Variants in ZSCAN32 observed in about 807,000 individuals in gnomAD.
The protein encoded by ZSCAN32 is zinc finger and SCAN domain containing 32, also known as zinc finger and SCAN domain-containing protein 32.
Under a neutral mutation model 47.4 loss-of-function variants are expected in ZSCAN32, and 52 were observed. The observed-to-expected ratio is 1.10, with a 90% CI of 0.88 to 1.38. The LOEUF is 1.38. ZSCAN32 is among the 40% of genes most tolerant of loss of function. The pLI, the probability that ZSCAN32 is intolerant of heterozygous loss-of-function variation, is 0.00. For synonymous variants in ZSCAN32, 346 were observed against 305.7 expected, an observed-to-expected ratio of 1.13 and a Z score of -1.38; for missense variants, 959 against 846.0, an observed-to-expected ratio of 1.13 and a Z score of -1.66.
intron 3 of ZSCAN32, among the ~76,000 whole-genome samples, chr16:3,391,625 G>C (rs1227908243): frequency 6.8e-6 from 1 of 147,100 alleles, no homozygotes; most frequent in African/African-American, 2.5e-5. Context: ...GTTGCAGTGA[G>C]CCAACATCAT....
In ZSCAN32 at chr16:3,397,673, C is replaced by T. The variant is rs145008432; in HGVS notation, c.-116G>A. 3.0e-3 allele frequency: 4,127 copies of T among 1,353,188 alleles called. 22 individuals are homozygous for T. Among genetic ancestry groups the T allele is most frequent in the South Asian group, 0.014 (938 of 64,738 alleles). 83.8% of individuals were successfully genotyped at this position (1,353,188 alleles called of 1,614,324 possible). On this transcript the variant is annotated 5_prime_UTR_variant, in exon 2 of 7. Coordinates refer to ENST00000396852, the MANE Select transcript of ZSCAN32 (RefSeq NM_001284527.2). ...CTGCAAGGAATGTCTTTCTGTAATC[C>T]GTGGGACATGAGAGTGTCAGACATG...
Position 3,397,282 on chromosome 16 carries a change from C to T in ZSCAN32, c.276G>A (p.Glu92=), listed in dbSNP as rs27241. Reference sequence around the variant, plus strand: ...GCTGCTCCCTCACCCAGGTCTGGATCTCCTCTGGCAAGATAGTCAGAAACT... The same window carrying T: ...GCTGCTCCCTCACCCAGGTCTGGATTTCCTCTGGCAAGATAGTCAGAAACT... ...LEQFLTILPE[E]IQTWVREQHP... is the part of the protein sequence containing the mutation. Residue 92 remains glutamate (E), a synonymous_variant, in exon 2 of 7, where the codon GAG becomes GAA. Coordinates refer to ENST00000396852, the MANE Select transcript of ZSCAN32 (RefSeq NM_001284527.2). The T allele has an allele frequency of 6.4e-7, 1 of 1,571,288 alleles. No individual in the cohort carries two copies. Among genetic ancestry groups the T allele is most frequent in the Non-Finnish European group, 8.6e-7 (1 of 1,158,170 alleles).
rs79188202 is a variant in ZSCAN32, at chr16:3,392,959, T to C, written c.532+690A>G. Among the ~76,000 whole-genome samples, 1,316 of 150,766 alleles carry C rather than the reference T, an allele frequency of 8.7e-3. 24 individuals are homozygous for C. Among genetic ancestry groups the C allele is most frequent in the African/African-American group, 0.031 (1,265 of 40,948 alleles). On this transcript the variant is annotated intron_variant, in intron 3 of 6. Transcript: ENST00000396852. Reference sequence around the variant, plus strand: ...ATTAAGTTGGATGGGGAAGGGGATTTAATGTCTTCAAGTATATGAAAAACT... The same window carrying C: ...ATTAAGTTGGATGGGGAAGGGGATTCAATGTCTTCAAGTATATGAAAAACT...
intron 6 of ZSCAN32, chr16:3,384,106 C>G (rs1263474277): frequency 4.0e-6 from 2 of 499,230 alleles, no homozygotes; most frequent in African/African-American, 3.9e-5. Flanking sequence ...AAGCAAGGTG[C>G]TAAGTACCCA....
At chr16:3,384,359 T>C (rs772916910) in intron 6 of ZSCAN32, 100 bp downstream of exon 6, 3 of 1,495,518 alleles carry the variant, frequency 2.0e-6, no homozygotes, top group South Asian at 1.3e-5. Context: ...AAGATGATGA[T>C]GATGCCAGGA....
intron 2 of ZSCAN32, among the ~76,000 whole-genome samples, chr16:3,396,567 C>G (rs2033385705): frequency 6.6e-6 from 1 of 152,226 alleles, no homozygotes; most frequent in Non-Finnish European, 1.5e-5. Flanking sequence ...TACCCAATTT[C>G]AGTTGCCTTC....
chr16:3,383,936 TTTCGGATGTTC>T, intron 6 of ZSCAN32: 1 of 543,068 alleles, frequency 1.8e-6, no homozygotes, highest in East Asian at 3.3e-5. Flanking sequence ...TCCTATCTTT[TTTCGGATGTTC>T]TGACACAATG....
Position 3,382,969 on chromosome 16 carries a change from C to A in ZSCAN32, c.1977G>T (p.Lys659Asn). 1 of 1,614,130 alleles carries A rather than the reference C, an allele frequency of 6.2e-7. No homozygotes were observed. The highest frequency in any genetic ancestry group is 8.5e-7 in the Non-Finnish European group (1 of 1,180,004). ...TCTCACAGTGAGAACACCTGTAAGG[C>A]TTTTCACCAGTGTGGGTTTTTCGGT... Reference protein sequence around the residue: ...SAHRKTHTGEKPYRCSHCERG... With the variant: ...SAHRKTHTGENPYRCSHCERG... The change falls in exon 7 of 7, where the codon AAG (lysine) becomes AAT (asparagine). Residue 659 changes from lysine to asparagine, a missense_variant. Transcript: ENST00000396852.
intron 5 of ZSCAN32, among the ~76,000 whole-genome samples, chr16:3,389,395 C>T (rs928670491): frequency 5.3e-5 from 8 of 152,172 alleles, no homozygotes; most frequent in African/African-American, 1.4e-4. Context: ...GAAATCTAGG[C>T]CCAGTGAGCT....
rs775849395 is a variant in ZSCAN32, at chr16:3,390,549, G to A, written c.533-32C>T. On this transcript the variant is annotated intron_variant, in intron 3 of 6. Coordinates refer to ENST00000396852, the MANE Select transcript of ZSCAN32 (RefSeq NM_001284527.2). The stretch of plus-strand genomic sequence containing the variant: ...GAAAAAACAGCCGCTATTAGAGGGC[G>A]GCTTCCACACAACAGCACAGAGCAG... The A allele has an allele frequency of 1.2e-4, 187 of 1,520,054 alleles. 1 individual carries two copies. The highest frequency in any genetic ancestry group is 1.5e-4 in the Non-Finnish European group (169 of 1,121,526). 94.2% of individuals were successfully genotyped at this position (1,520,054 alleles called of 1,614,324 possible).
intron 5 of ZSCAN32, among the ~76,000 whole-genome samples, chr16:3,386,849 A>C (rs27233): frequency 0.27 from 40,430 of 151,512 alleles, 5,532 homozygotes; most frequent in African/African-American, 0.29. Flanking sequence ...TTAAATGACG[A>C]GTTCATGGGT....
chr16:3,388,773 T>C (rs1282648635), intron 5 of ZSCAN32, among the ~76,000 whole-genome samples: 1 of 152,132 alleles, frequency 6.6e-6, no homozygotes, highest in African/African-American at 2.4e-5. Flanking sequence ...ACAGGTACCA[T>C]TACATGAAAT....
chr16:3,387,979 C>A (rs745598538), intron 5 of ZSCAN32, among the ~76,000 whole-genome samples: 1 of 152,194 alleles, frequency 6.6e-6, no homozygotes, highest in South Asian at 2.1e-4. Context: ...ACAAGGCTCC[C>A]CCATTTCACT....
At chr16:3,393,216 A>ATAAATATATACATATT (rs1567319551) in intron 3 of ZSCAN32, among the ~76,000 whole-genome samples, 1 of 25,656 alleles carries the variant, frequency 3.9e-5, no homozygotes, top group African/African-American at 3.4e-4. Context: ...ATTTATATAT[A>ATAAATATATACATATT]TATATATATA....
Position 3,389,179 on chromosome 16 carries a change from A to G in ZSCAN32, c.751+831T>C, listed in dbSNP as rs2032365223. Among the ~76,000 whole-genome samples, 4 of 152,222 alleles carry G rather than the reference A, an allele frequency of 2.6e-5. No individual in the cohort carries two copies. The South Asian group carries it at 8.3e-4, about 31-fold the overall frequency. ...GCCTGAAGCAGCAGCAAGAAATGGC[A>G]CATGATGAAGCCAGGAAACTGGGAG... On this transcript the variant is annotated intron_variant, in intron 5 of 6. Coordinates refer to ENST00000396852, the MANE Select transcript of ZSCAN32 (RefSeq NM_001284527.2).
At position 3,383,049 on chromosome 16, in the gene ZSCAN32, A is replaced by G. The variant is rs768483391; in HGVS notation, c.1897T>C (p.Tyr633His). 6.2e-7 allele frequency: 1 copy of G among 1,614,164 alleles called. No homozygotes were observed. Among genetic ancestry groups the G allele is most frequent in the South Asian group, 1.1e-5 (1 of 91,086 alleles). ...ATTTTCCCACACACTGCACACTTGTATGGGCTCTCCCCAGTGTGGATGCGC... is the reference window on the plus strand; with the variant it reads ...ATTTTCCCACACACTGCACACTTGTGTGGGCTCTCCCCAGTGTGGATGCGC... ...HRRIHTGESP[Y>H]KCAVCGKIFN... Residue 633 changes from tyrosine to histidine, a missense_variant, in exon 7 of 7, where the codon TAC (tyrosine) becomes CAC (histidine). Tyr to His is a moderately conservative substitution (Grantham distance 83). Coordinates refer to ENST00000396852, the MANE Select transcript of ZSCAN32 (RefSeq NM_001284527.2).
rs545014137 is a variant in ZSCAN32 at position 3,384,260 on chromosome 16, G to T, written c.1234+199C>A. The T allele has an allele frequency of 4.4e-6, 3 of 674,716 alleles. No individual in the cohort carries two copies. The African/African-American group carries it at 5.4e-5, about 12-fold the overall frequency. The allele number at this position is 674,716 out of a possible 1,614,324, so 41.8% of individuals were successfully genotyped here. A position where few individuals can be genotyped will look rare whatever the true frequency, so the allele number is the denominator to read the frequency against. On this transcript the variant is annotated intron_variant, in intron 6 of 6. Transcript: ENST00000396852. ...AGATGACATGAACTTAGTTGAAAGA[G>T]GTTGGCAAATGCAAAATCAGGGCTG...
intron 1 of ZSCAN32, among the ~76,000 whole-genome samples, chr16:3,399,685 A>G (rs2033705772): frequency 6.6e-6 from 1 of 152,158 alleles, no homozygotes; most frequent in Non-Finnish European, 1.5e-5. Flanking sequence ...AACTCAAGCA[A>G]TCCTCCCACC....
At position 3,384,662 on chromosome 16, in the gene ZSCAN32, G is replaced by A; in HGVS notation, c.1031C>T (p.Ser344Phe). 6.2e-7 allele frequency: 1 copy of A among 1,614,204 alleles called. No individual in the cohort carries two copies. Among genetic ancestry groups the A allele is most frequent in the Non-Finnish European group, 8.5e-7 (1 of 1,180,040 alleles). The change falls in exon 6 of 7, where the codon TCT becomes TTT. Residue 344 changes from serine (S) to phenylalanine (F), a missense_variant. Coordinates refer to ENST00000396852, the MANE Select transcript of ZSCAN32 (RefSeq NM_001284527.2). ...AGCATCGCTTGCCATAGGAGGTGCA[G>A]AGGCCCAGGAGCCTGAAAGAGCATT... ...EMNALSGSWA[S>F]APPMASDAVP...
Sources: gnomAD v4.1 joint callset for allele counts (sites outside exome capture counted in the v4.1 genomes callset) on GRCh38, gnomAD v4.1.1 for gene constraint, MANE v1.5 for transcripts, NCBI Gene and HGNC (gene_info 2026-07-23, HGNC 2026-07-21) for gene names.